NUP160: variants seen among roughly 807,000 people sequenced by gnomAD.
NUP160 encodes nuclear pore complex protein Nup160.
In NUP160, 94 loss-of-function variants were observed where a neutral mutation model predicts 196.9. The ratio of observed to expected loss-of-function variants is 0.48; its 90% CI spans 0.40 to 0.57. The LOEUF (loss-of-function observed/expected upper bound fraction) is 0.57. Ranked by LOEUF, NUP160 falls within the 20% of genes least tolerant of loss-of-function variation. The pLI, the probability that NUP160 is intolerant of heterozygous loss-of-function variation, is 0.00. For missense variants in NUP160, 1,638 were observed against 1,748.3 expected (o/e 0.94, Z 1.13); for synonymous variants, 605 against 619.7 (o/e 0.98, Z 0.35).
chr11:47,843,228 A>G (rs1852339205), intron 2 of NUP160, among the ~76,000 whole-genome samples: 1 of 151,796 alleles, frequency 6.6e-6, no homozygotes, highest in African/African-American at 2.4e-5. Flanking sequence ...TATACTCACA[A>G]TTCCTCTCCT....
chr11:47,818,685 TCTGA>T (rs1423871333), intron 10 of NUP160, among the ~76,000 whole-genome samples: 3 of 152,168 alleles, frequency 2.0e-5, no homozygotes, highest in African/African-American at 7.2e-5. Context: ...AAGTAGTAAA[TCTGA>T]CTAACAGTCA....
At chr11:47,823,502 C>T (rs1013852398) in intron 7 of NUP160, among the ~76,000 whole-genome samples, 2 of 152,056 alleles carry the variant, frequency 1.3e-5, no homozygotes, top group Non-Finnish European at 1.5e-5. Context: ...CTTCAAGGCT[C>T]GCCCATGTAG....
At chr11:47,832,159 C>T (rs1231291623) in intron 7 of NUP160, among the ~76,000 whole-genome samples, 1 of 152,012 alleles carries the variant, frequency 6.6e-6, no homozygotes, top group Admixed American at 6.6e-5. Flanking sequence ...CTCAGCCTCC[C>T]AAAGTGTTGG....
At chr11:47,790,336 T>C (rs974239181) in intron 29 of NUP160, among the ~76,000 whole-genome samples, 1 of 152,066 alleles carries the variant, frequency 6.6e-6, no homozygotes, top group African/African-American at 2.4e-5. Flanking sequence ...CTCAGCCCAC[T>C]GCAACCTCAG....
chr11:47,811,269 G>A (rs1412762462), intron 17 of NUP160, among the ~76,000 whole-genome samples: 1 of 152,144 alleles, frequency 6.6e-6, no homozygotes, highest in African/African-American at 2.4e-5. Context: ...AGCACTTTGG[G>A]AGGCCGAGGT....
At chr11:47,814,920 G>T (rs1184693988) in intron 13 of NUP160, among the ~76,000 whole-genome samples, 1 of 152,126 alleles carries the variant, frequency 6.6e-6, no homozygotes, top group East Asian at 1.9e-4. Context: ...ACCTTAAGTT[G>T]GAAATTACTT....
chr11:47,839,725 G>A, intron 4 of NUP160, 118 bp downstream of exon 4: 1 of 835,474 alleles, frequency 1.2e-6, no homozygotes, highest in Non-Finnish European at 2.0e-6. Flanking sequence ...AAGCAATAAT[G>A]AATGACCAGT....
intron 23 of NUP160, among the ~76,000 whole-genome samples, chr11:47,800,900 G>A (rs994067212): frequency 2.0e-5 from 3 of 152,174 alleles, no homozygotes; most frequent in Non-Finnish European, 4.4e-5. Flanking sequence ...TTTCTGCACA[G>A]GCCAGGCAGA....
chr11:47,798,970 GAATGA>G (rs2135359380), intron 23 of NUP160, among the ~76,000 whole-genome samples: 1 of 147,686 alleles, frequency 6.8e-6, no homozygotes, highest in Admixed American at 6.8e-5. Context: ...CAAGCTTGTT[GAATGA>G]AAGAATAAAT....
intron 7 of NUP160, among the ~76,000 whole-genome samples, chr11:47,824,118 C>A (rs866764816): frequency 7.0e-6 from 1 of 143,342 alleles, no homozygotes; most frequent in Non-Finnish European, 1.5e-5. Flanking sequence ...TTTTGAGGAA[C>A]CACTATATTG....
chr11:47,847,540 C>T (rs1421462703), intron 2 of NUP160, among the ~76,000 whole-genome samples: 2 of 149,188 alleles, frequency 1.3e-5, no homozygotes, highest in Non-Finnish European at 3.0e-5. Flanking sequence ...CTGTAAAGCA[C>T]TATAAAAACA....
intron 4 of NUP160, among the ~76,000 whole-genome samples, chr11:47,838,447 C>T (rs1852223386): frequency 6.6e-6 from 1 of 152,280 alleles, no homozygotes; most frequent in East Asian, 1.9e-4. Context: ...GTGGCTCACA[C>T]CTGTAATCCC....
At chr11:47,779,095 A>C (rs1308848544) in exon 36 of NUP160, 1 of 1,606,226 alleles carries the variant, frequency 6.2e-7, no homozygotes, top group South Asian at 1.1e-5. Context: ...AGGCTAGGTG[A>C]CAATCCAAAT....
chr11:47,836,156 G>C (rs1349716537), intron 6 of NUP160, among the ~76,000 whole-genome samples: 1 of 152,188 alleles, frequency 6.6e-6, no homozygotes, highest in Non-Finnish European at 1.5e-5. Context: ...GCTGAGGCAG[G>C]AGAATCACTT....
At chr11:47,839,242 C>T (rs553645939) in intron 4 of NUP160, among the ~76,000 whole-genome samples, 38 of 152,200 alleles carry the variant, frequency 2.5e-4, no homozygotes, top group African/African-American at 9.1e-4. Flanking sequence ...CAGGCATGGG[C>T]CACCATGCCC....
At chr11:47,806,941 T>A in intron 19 of NUP160, 129 bp downstream of exon 19, 1 of 647,136 alleles carries the variant, frequency 1.5e-6, no homozygotes. Flanking sequence ...AGGCCACAGC[T>A]TACTCATGCC....
exon 19 of NUP160, chr11:47,807,098 G>A: frequency 6.2e-7 from 1 of 1,611,752 alleles, no homozygotes; most frequent in African/African-American, 1.3e-5. Flanking sequence ...AAGCACCAGA[G>A]TCTGTTAATT....
rs759791289 is a variant in NUP160 at position 47,807,079 on chromosome 11, T to G, written c.2437A>C (p.Asn813His). 39 of 1,607,298 alleles carry G rather than the reference T, an allele frequency of 2.4e-5. No individual in the cohort carries two copies. Among genetic ancestry groups the G allele is most frequent in the Non-Finnish European group, 3.3e-5 (39 of 1,173,984 alleles). Reference sequence around the variant, plus strand: ...ATAGTCCACTCCTTACCAAACCTATTTGCCATTAAAGCACCAGAGTCTGTT... The same window carrying G: ...ATAGTCCACTCCTTACCAAACCTATGTGCCATTAAAGCACCAGAGTCTGTT... Residue 813 changes from asparagine (N) to histidine (H), a missense_variant, in exon 19 of 36, where the codon AAT becomes CAT. Asn to His is a moderately conservative substitution (Grantham distance 68). Transcript: ENST00000378460.
Position 47,782,165 on chromosome 11 carries a change from TC to T in NUP160, c.4116+907del, listed in dbSNP as rs927773253. 1.2e-4 allele frequency among the ~76,000 whole-genome samples: 18 copies of T among 150,826 alleles called. 1 individual carries two copies. Among genetic ancestry groups the T allele is most frequent in the African/African-American group, 4.4e-4 (18 of 40,934 alleles). On this transcript the variant is annotated intron_variant, in intron 34 of 35. Transcript: ENST00000378460. ...TGGATGTGGTGGCAGGTGCCTGTAATCCCAGCTACTCAGGAGGCTGAGGCAG... is the reference window on the plus strand; with the variant it reads ...TGGATGTGGTGGCAGGTGCCTGTAATCCAGCTACTCAGGAGGCTGAGGCAG...
Sources: allele counts gnomAD v4.1 joint callset (sites outside exome capture counted in the v4.1 genomes callset), GRCh38; gene constraint gnomAD v4.1.1; transcripts MANE v1.5; gene names NCBI Gene and HGNC (gene_info 2026-07-23, HGNC 2026-07-21).